Variants in GALNS observed in about 807,000 individuals in gnomAD.
The protein encoded by GALNS is N-acetylgalactosamine-6-sulfatase.
GALNS carries 65 observed loss-of-function variants against 65.9 expected under a neutral mutation model. The observed-to-expected ratio is 0.99, with a 90% CI of 0.81 to 1.21. GALNS has a LOEUF of 1.21. GALNS is among the 50% of genes most tolerant of loss of function. GALNS has a pLI of 0.00. For synonymous variants in GALNS, 346 were observed against 288.9 expected, an observed-to-expected ratio of 1.20 and a Z score of -2.00; for missense variants, 776 against 700.7, an observed-to-expected ratio of 1.11 and a Z score of -1.21.
chr16:88,843,302 T>C, intron 1 of GALNS: 1 of 987,818 alleles, frequency 1.0e-6, no homozygotes, highest in South Asian at 1.5e-5. Context: ...CGTGTGACCC[T>C]GCAGTTCCAC....
chr16:88,837,082 G>A (rs752705828), intron 5 of GALNS, among the ~76,000 whole-genome samples: 13 of 152,212 alleles, frequency 8.5e-5, no homozygotes, highest in Non-Finnish European at 8.8e-5. Context: ...GAGCACTTCC[G>A]CCAAGAAGAG....
At chr16:88,829,390 C>G (rs909076155) in intron 9 of GALNS, among the ~76,000 whole-genome samples, 1 of 152,240 alleles carries the variant, frequency 6.6e-6, no homozygotes, top group Non-Finnish European at 1.5e-5. Flanking sequence ...TTCTCCTGCA[C>G]AACAAGGCGG....
At chr16:88,818,247 G>T in intron 12 of GALNS, 123 bp from the exon 13 acceptor site, 1 of 812,654 alleles carries the variant, frequency 1.2e-6, no homozygotes, top group Non-Finnish European at 2.0e-6. Context: ...GCAGTCACTG[G>T]GACCATGTGC....
intron 13 of GALNS, chr16:88,816,373 G>C (rs1909625473): frequency 1.0e-6 from 1 of 985,294 alleles, no homozygotes; most frequent in Admixed American, 6.1e-5. Context: ...GGTGGCCCTG[G>C]GCTCCTGGGG....
chr16:88,825,056 G>GGAGCTGGAGCTCCTGGGTGGCCA (rs1910672248), intron 10 of GALNS, among the ~76,000 whole-genome samples, 187 bp from the exon 11 acceptor site: 2 of 145,210 alleles, frequency 1.4e-5, no homozygotes, highest in African/African-American at 5.3e-5. Flanking sequence ...CTGGGCGGCC[G>GGAGCTGGAGCTCCTGGGTGGCCA]GGGCTGGAGC....
chr16:88,837,068 G>C (rs1170600386), intron 5 of GALNS, among the ~76,000 whole-genome samples: 2 of 152,258 alleles, frequency 1.3e-5, no homozygotes, highest in Admixed American at 1.3e-4. Flanking sequence ...GTCATGTAAT[G>C]AATGAGCACT....
chr16:88,817,208 C>A, intron 13 of GALNS: 4 of 984,912 alleles, frequency 4.1e-6, no homozygotes, highest in Non-Finnish European at 4.8e-6. Context: ...AAAAGCTGCT[C>A]CTGAGAGGCC....
intron 13 of GALNS, chr16:88,815,780 C>G (rs1909557850): frequency 2.9e-5 from 29 of 985,438 alleles, no homozygotes; most frequent in Non-Finnish European, 3.4e-5. Context: ...GCCACCAGAG[C>G]AGGAGTGGGT....
chr16:88,821,793 TTCTGCC>T (rs1177379140), intron 12 of GALNS, among the ~76,000 whole-genome samples: 1 of 152,130 alleles, frequency 6.6e-6, no homozygotes, highest in Non-Finnish European at 1.5e-5. Context: ...TCAGGCCTGG[TTCTGCC>T]TCTGCACGCC....
At chr16:88,842,124 G>A (rs1353285754) in intron 2 of GALNS, 153 bp from the exon 3 acceptor site, 15 of 739,128 alleles carry the variant, frequency 2.0e-5, no homozygotes, top group East Asian at 8.1e-5. Context: ...CCCCGTTAGC[G>A]TCTCCACCAC....
intron 2 of GALNS, 183 bp downstream of exon 2, chr16:88,842,523 C>G (rs1967023022): frequency 5.6e-6 from 4 of 718,658 alleles, no homozygotes; most frequent in Non-Finnish European, 9.0e-6. Context: ...GTGCCGCACC[C>G]CACATGGCAC....
Position 88,824,854 on chromosome 16 carries a change from G to C in GALNS, c.1155C>G (p.Tyr385Ter). 1 of 1,613,284 alleles carries C rather than the reference G, an allele frequency of 6.2e-7. No homozygotes were observed. Among genetic ancestry groups the C allele is most frequent in the Non-Finnish European group, 8.5e-7 (1 of 1,179,970 alleles). Residue 385 changes from tyrosine to a stop codon, truncating the protein, a stop_gained, in exon 11 of 14, where the codon TAC becomes TAG. Coordinates refer to ENST00000268695, the MANE Select transcript of GALNS (RefSeq NM_000512.5). LOFTEE classifies it high-confidence loss of function. ...GRLMDRPIFY[Y>*]RGDTLMAATL... ...TGGCCGCCATCAGCGTGTCGCCACG[G>C]TAATAGAAGATAGGCCTGTGGGATG...
rs558597401 is a variant in GALNS, at chr16:88,850,172, G to A, written c.120+6586C>T. Among the ~76,000 whole-genome samples, 15 of 152,374 alleles carry A rather than the reference G, an allele frequency of 9.8e-5. No individual in the cohort carries two copies. The East Asian group carries it at 2.9e-3, about 29-fold the overall frequency. On this transcript the variant is annotated intron_variant, in intron 1 of 13. Transcript: ENST00000268695. ...GGGCCGGGGGCACAAGGCCTGGGAT[G>A]GGAGGGAGCAGTATGTTTCGCCCGT...
chr16:88,825,913 G>A (rs1262084122), intron 10 of GALNS, among the ~76,000 whole-genome samples: 5 of 152,296 alleles, frequency 3.3e-5, no homozygotes, highest in South Asian at 2.1e-4. Context: ...CTTGCTTCCC[G>A]TTGAGCCTTT....
At position 88,814,310 on chromosome 16, in the gene GALNS, C is replaced by G. The variant is rs1189848033; in HGVS notation, c.*129G>C. On this transcript the variant is annotated 3_prime_UTR_variant, in exon 14 of 14. Transcript: ENST00000268695. ...GGGCAGGTGGAATTGTGCAGTCCCC[C>G]TGCGTCTGCAGGTGCTGTCTGTCTG... The G allele has an allele frequency of 1.6e-6, 2 of 1,242,066 alleles. No homozygotes were observed. The highest frequency in any genetic ancestry group is 1.5e-5 in the African/African-American group (1 of 67,170). The allele number at this position is 1,242,066 out of a possible 1,614,324, so 76.9% of individuals were successfully genotyped here. A position where few individuals can be genotyped will look rare whatever the true frequency, so the allele number is the denominator to read the frequency against.
chr16:88,815,647 G>A (rs1025750810), intron 13 of GALNS: 13 of 985,362 alleles, frequency 1.3e-5, no homozygotes, highest in Middle Eastern at 5.2e-4. Context: ...GTCAGACGCC[G>A]CATGGCCCTG....
At chr16:88,840,714 G>A (rs540665524) in intron 4 of GALNS, 69 of 486,794 alleles carry the variant, frequency 1.4e-4, no homozygotes, top group African/African-American at 1.3e-3. Flanking sequence ...GCGGGTGCTA[G>A]GGGCTGTGAC....
chr16:88,834,007 A>C (rs1046362999), intron 8 of GALNS, among the ~76,000 whole-genome samples: 3 of 151,266 alleles, frequency 2.0e-5, no homozygotes, highest in East Asian at 2.0e-4. Flanking sequence ...ATGACGGCCA[A>C]CACCACCCTC....
chr16:88,822,526 C>G (rs771530305), intron 12 of GALNS, 63 bp downstream of exon 12: 16 of 1,604,562 alleles, frequency 1.0e-5, no homozygotes, highest in African/African-American at 9.4e-5. Flanking sequence ...CCCTGTGGAG[C>G]CTGCATTTGG....
Sources: gnomAD v4.1 joint callset for allele counts (sites outside exome capture counted in the v4.1 genomes callset) on GRCh38, gnomAD v4.1.1 for gene constraint, MANE v1.5 for transcripts, NCBI Gene and HGNC (gene_info 2026-07-23, HGNC 2026-07-21) for gene names.